AP3B1: variants seen among roughly 807,000 people sequenced by gnomAD.
AP3B1 encodes adaptor related protein complex 3 subunit beta 1.
Under a neutral mutation model 132.5 loss-of-function variants are expected in AP3B1, and 61 were observed. The observed-to-expected ratio is 0.46, with a 90% confidence interval of 0.37 to 0.57. AP3B1 has a LOEUF of 0.57. Ranked by LOEUF, AP3B1 falls within the 20% of genes least tolerant of loss-of-function variation. The probability of loss-of-function intolerance (pLI) is 0.00; values close to 1 mark genes in which losing one functional copy is unlikely to be tolerated. For missense variants in AP3B1, 1,120 were observed against 1,289.4 expected (o/e 0.87, Z 2.01); for synonymous variants, 388 against 438.3 (o/e 0.89, Z 1.43).
chr5:78,153,798 T>C (rs1743001493), intron 14 of AP3B1, among the ~76,000 whole-genome samples: 1 of 152,204 alleles, frequency 6.6e-6, no homozygotes. Flanking sequence ...TTTAAACTGA[T>C]GACAACACTG....
At chr5:78,101,255 T>C (rs1358148584) in intron 20 of AP3B1, 1 of 478,896 alleles carries the variant, frequency 2.1e-6, no homozygotes, top group African/African-American at 2.0e-5. Flanking sequence ...TTAAAAATTA[T>C]AAATGTCAGA....
intron 22 of AP3B1, among the ~76,000 whole-genome samples, chr5:78,069,059 C>T (rs1291730257): frequency 6.6e-6 from 1 of 152,180 alleles, no homozygotes; most frequent in Non-Finnish European, 1.5e-5. Flanking sequence ...TTCAATATTC[C>T]TTCCTGTTAA....
At position 78,012,333 on chromosome 5, in the gene AP3B1, C is replaced by CA. The variant is rs540580934; in HGVS notation, c.3131+3076dup. Among the ~76,000 whole-genome samples, 724 of 141,740 alleles carry CA rather than the reference C, an allele frequency of 5.1e-3. 2 individuals are homozygous for CA. Among genetic ancestry groups the CA allele is most frequent in the Middle Eastern group, 0.024 (6 of 252 alleles). The allele number at this position is 141,740 out of a possible 152,430, so 93.0% of individuals were successfully genotyped here. On this transcript the variant is annotated intron_variant, in intron 26 of 26. Coordinates refer to ENST00000255194, the MANE Select transcript of AP3B1 (RefSeq NM_003664.5). ...TCATTTTAAATGAAATTAAGAAAAG[C>CA]AAAAAAAAAGTACAAAAGTACGTTT... is the stretch of plus-strand genomic sequence containing the variant.
chr5:78,109,764 T>C (rs1751493099), intron 20 of AP3B1, among the ~76,000 whole-genome samples: 1 of 152,144 alleles, frequency 6.6e-6, no homozygotes. Context: ...GTGGTTCCAT[T>C]TGTTTTTAAA....
chr5:78,034,227 A>G (rs1747700960), intron 24 of AP3B1, 134 bp downstream of exon 24: 6 of 736,656 alleles, frequency 8.1e-6, no homozygotes, highest in East Asian at 5.3e-5. Flanking sequence ...AAGGCAGTCT[A>G]AACATTATCA....
intron 21 of AP3B1, among the ~76,000 whole-genome samples, chr5:78,092,137 G>A (rs950432910): frequency 3.3e-5 from 5 of 152,054 alleles, no homozygotes; most frequent in Non-Finnish European, 7.4e-5. Context: ...CTACCCACCC[G>A]TCCACCATCT....
intron 21 of AP3B1, among the ~76,000 whole-genome samples, chr5:78,092,354 T>C (rs1352913413): frequency 6.6e-6 from 1 of 152,188 alleles, no homozygotes; most frequent in Admixed American, 6.5e-5. Flanking sequence ...GAGATGATTA[T>C]GCATCTGTTT....
At chr5:78,017,699 G>A (rs755517196) in intron 25 of AP3B1, among the ~76,000 whole-genome samples, 7 of 151,660 alleles carry the variant, frequency 4.6e-5, no homozygotes, top group Admixed American at 2.0e-4. Context: ...CAAATTAACA[G>A]GAAAGAAAAA....
chr5:78,266,427 A>G (rs1240239695), intron 2 of AP3B1, among the ~76,000 whole-genome samples: 1 of 152,204 alleles, frequency 6.6e-6, no homozygotes, highest in Non-Finnish European at 1.5e-5. Flanking sequence ...AGATACAATT[A>G]GTACTTGACT....
intron 2 of AP3B1, among the ~76,000 whole-genome samples, chr5:78,242,729 C>A (rs563684905): frequency 6.6e-6 from 1 of 152,224 alleles, no homozygotes; most frequent in Admixed American, 6.5e-5. Context: ...TTTTAATCTA[C>A]ACTTATCATT....
At chr5:78,055,370 T>C (rs1291660557) in intron 22 of AP3B1, among the ~76,000 whole-genome samples, 1 of 152,240 alleles carries the variant, frequency 6.6e-6, no homozygotes, top group Admixed American at 6.5e-5. Context: ...AGGAAAACAC[T>C]GGATTTTAAG....
At chr5:78,004,276 C>T (rs1746305033) in intron 26 of AP3B1, among the ~76,000 whole-genome samples, 1 of 152,188 alleles carries the variant, frequency 6.6e-6, no homozygotes, top group African/African-American at 2.4e-5. Flanking sequence ...AAGAGCAAAC[C>T]AACTGGTCAG....
intron 22 of AP3B1, among the ~76,000 whole-genome samples, chr5:78,047,997 G>A (rs1748414751): frequency 6.6e-6 from 1 of 152,166 alleles, no homozygotes; most frequent in Non-Finnish European, 1.5e-5. Context: ...CTGTGCAGTG[G>A]CAACTGACTG....
chr5:78,143,308 T>C (rs555281895), intron 14 of AP3B1, among the ~76,000 whole-genome samples: 8 of 152,230 alleles, frequency 5.3e-5, no homozygotes, highest in African/African-American at 1.2e-4. Flanking sequence ...TCACGATACA[T>C]ATATTTAAAA....
intron 22 of AP3B1, among the ~76,000 whole-genome samples, chr5:78,044,435 C>T (rs756981093): frequency 5.9e-5 from 9 of 152,094 alleles, no homozygotes; most frequent in Admixed American, 1.3e-4. Context: ...CTACATTGTT[C>T]CACAAACATA....
At chr5:78,100,930 A>G (rs2112233095) in intron 21 of AP3B1, 23 bp downstream of exon 21, 3 of 1,386,006 alleles carry the variant, frequency 2.2e-6, no homozygotes, top group South Asian at 1.3e-5. Flanking sequence ...CACAGAAGAA[A>G]TATTTTAAAT....
intron 3 of AP3B1, among the ~76,000 whole-genome samples, chr5:78,232,310 A>G (rs934687054): frequency 6.6e-6 from 1 of 152,256 alleles, no homozygotes; most frequent in Non-Finnish European, 1.5e-5. Flanking sequence ...CCTGTTCTAC[A>G]GAACAATAAA....
intron 26 of AP3B1, 34 bp from the exon 27 acceptor site, chr5:78,003,089 A>G: frequency 6.2e-7 from 1 of 1,609,818 alleles, no homozygotes; most frequent in African/African-American, 1.3e-5. Context: ...TTTTATCATA[A>G]GATGGGGAGG....
At chr5:78,278,611 AAAAAAAAAAAAAAAG>A (rs1210827593) in intron 1 of AP3B1, among the ~76,000 whole-genome samples, 2 of 78,344 alleles carry the variant, frequency 2.6e-5, no homozygotes, top group Non-Finnish European at 6.4e-5. Context: ...AAAAAAAAAA[AAAAAAAAAAAAAAAG>A]GGGGGGGGGG....
Sources: gnomAD v4.1 joint callset for allele counts (sites outside exome capture counted in the v4.1 genomes callset) on GRCh38, gnomAD v4.1.1 for gene constraint, MANE v1.5 for transcripts, NCBI Gene and HGNC (gene_info 2026-07-23, HGNC 2026-07-21) for gene names.